USP36: variants seen among roughly 807,000 people sequenced by gnomAD.
USP36 encodes ubiquitin carboxyl-terminal hydrolase 36.
A neutral mutation model predicts 111.5 loss-of-function variants in USP36; 59 were observed. The ratio of observed to expected loss-of-function variants is 0.53; its 90% CI spans 0.43 to 0.66. The LOEUF (loss-of-function observed/expected upper bound fraction) is 0.66, where lower values mean the gene tolerates loss of function less well. USP36 is among the 30% of genes least tolerant of loss of function. The probability of loss-of-function intolerance (pLI) is 0.00; values close to 1 mark genes in which losing one functional copy is unlikely to be tolerated. For missense variants in USP36, 1,488 were observed against 1,468.0 expected (o/e 1.01, Z -0.22); for synonymous variants, 628 against 581.0 (o/e 1.08, Z -1.16).
intron 2 of USP36, 44 bp from the exon 3 acceptor site, chr17:78,836,416 C>G (rs987945566): frequency 6.3e-7 from 1 of 1,588,652 alleles, no homozygotes; most frequent in Non-Finnish European, 8.6e-7. Context: ...TAACGAAATC[C>G]CGGGACAAAA....
intron 4 of USP36, among the ~76,000 whole-genome samples, chr17:78,834,837 T>C (rs1022723123): frequency 3.3e-5 from 5 of 151,972 alleles, no homozygotes; most frequent in Non-Finnish European, 7.4e-5. Context: ...ACAATTGGGC[T>C]AGGCATGGTG....
chr17:78,789,585 G>A (rs2093565519), intron 3 of USP36, among the ~76,000 whole-genome samples: 1 of 152,166 alleles, frequency 6.6e-6, no homozygotes, highest in Non-Finnish European at 1.5e-5. Context: ...GCTTGGATTG[G>A]GGCATTGTCT....
intron 17 of USP36, among the ~76,000 whole-genome samples, chr17:78,802,095 C>T (rs1452356892): frequency 6.6e-6 from 1 of 150,532 alleles, no homozygotes; most frequent in East Asian, 2.0e-4. Flanking sequence ...ACGCGGTCCC[C>T]CACCCCCTTG....
downstream of USP36, among the ~76,000 whole-genome samples, chr17:78,791,129 CTTTTTTTTTTT>C (rs10522788): frequency 1.6e-4 from 19 of 121,234 alleles, no homozygotes; most frequent in South Asian, 8.4e-4. Context: ...ATCTGGCCTT[CTTTTTTTTTTT>C]TTTTTTTTTT....
chr17:78,834,044 C>T (rs916526886), intron 4 of USP36, among the ~76,000 whole-genome samples: 4 of 152,108 alleles, frequency 2.6e-5, no homozygotes, highest in African/African-American at 9.7e-5. Flanking sequence ...GTCACGAGTT[C>T]AAGACCAGCC....
In USP36 at chr17:78,827,226, T is replaced by TGGG; in HGVS notation, c.689+16_689+18dup. 3.2e-6 allele frequency: 2 copies of TGGG among 619,618 alleles called. No homozygotes were observed. Among genetic ancestry groups the TGGG allele is most frequent in the Admixed American group, 7.5e-5 (1 of 13,256 alleles). 38.4% of individuals were successfully genotyped at this position (619,618 alleles called of 1,614,324 possible). ...AAAGGTGTCCAAAGCCCTGGGAGGGTGGGTGGGGAAGCACGCACTTGGCAC... is the reference window on the plus strand; with the variant it reads ...AAAGGTGTCCAAAGCCCTGGGAGGGTGGGGGGTGGGGAAGCACGCACTTGGCAC... On this transcript the variant is annotated intron_variant, in intron 6 of 20. Transcript: ENST00000449938.
At chr17:78,811,190 A>G (rs565728860) in intron 13 of USP36, among the ~76,000 whole-genome samples, 2 of 152,010 alleles carry the variant, frequency 1.3e-5, no homozygotes, top group African/African-American at 4.8e-5. Flanking sequence ...CCCACTTCAA[A>G]TGATCACTGT....
chr17:78,806,299 A>G lies in USP36; in HGVS notation c.2086-13T>C. ...ACAGGGTGCTGGCCTGCAGTTATCG[A>G]CATAAATAAAAACTTGGTGGTCTAA... On this transcript the variant is annotated splice_polypyrimidine_tract_variant and intron_variant, in intron 14 of 20. Transcript: ENST00000449938. 2 of 1,613,642 alleles carry G rather than the reference A, an allele frequency of 1.2e-6. No homozygotes were observed. Among genetic ancestry groups the G allele is most frequent in the Non-Finnish European group, 1.7e-6 (2 of 1,179,918 alleles).
chr17:78,841,009 A>C (rs935281894), upstream of USP36: 1 of 152,192 alleles, frequency 6.6e-6, no homozygotes, highest in African/African-American at 2.4e-5. Flanking sequence ...CCGCCAGCCT[A>C]CGTGATGACG....
At chr17:78,792,525 C>A (rs573540694), downstream of USP36, among the ~76,000 whole-genome samples, 19 of 152,272 alleles carry the variant, frequency 1.2e-4, no homozygotes, top group South Asian at 6.2e-4. Flanking sequence ...AGCAGCAGCC[C>A]CGGGGACTAT....
chr17:78,788,250 C>T (rs544711617), intron 3 of USP36, among the ~76,000 whole-genome samples: 6 of 152,122 alleles, frequency 3.9e-5, no homozygotes, highest in Admixed American at 1.3e-4. Flanking sequence ...CTGCAACCTC[C>T]GCCTCCCAGG....
rs1270117785 is a variant in USP36 at position 78,798,240 on chromosome 17, C to T, written c.*20+160G>A. The T allele has an allele frequency of 1.1e-6, 1 of 932,386 alleles. No individual in the cohort carries two copies. Among genetic ancestry groups the T allele is most frequent in the Admixed American group, 2.8e-5 (1 of 35,814 alleles). The allele number at this position is 932,386 out of a possible 1,614,324, so 57.8% of individuals were successfully genotyped here. The stretch of plus-strand genomic sequence containing the variant: ...CTTCTCCAAGTGACTAGGACACACA[C>T]CACAGACGCGCCCACACCACACACA... On this transcript the variant is annotated intron_variant, in intron 20 of 20. Transcript: ENST00000449938. This position sits in a 1 kb window ranked among gnomAD's most constrained non-coding sequence, Gnocchi z 5.1.
In USP36 at chr17:78,836,272, G is replaced by A. The variant is rs780073439; in HGVS notation, c.92C>T (p.Ser31Phe). 1.2e-6 allele frequency: 2 copies of A among 1,614,186 alleles called. No individual in the cohort carries two copies. Among genetic ancestry groups the A allele is most frequent in the South Asian group, 1.1e-5 (1 of 91,084 alleles). ...TTTCTGTAAAAGGACCTTCTTGGCAGAGGAGGCAAGAAGCTTCCCCAGTTC... is the reference window on the plus strand; with the variant it reads ...TTTCTGTAAAAGGACCTTCTTGGCAAAGGAGGCAAGAAGCTTCCCCAGTTC... The part of the protein sequence containing the change: ...DGELGKLLAS[S>F]AKKVLLQKIE... The change falls in exon 3 of 21, where the codon TCT (serine) becomes TTT (phenylalanine). Residue 31 changes from serine to phenylalanine, a missense_variant. Physicochemically the swap from Ser to Phe is radical, Grantham distance 155. Transcript: ENST00000449938.
In USP36 at chr17:78,835,511, A is replaced by C; in HGVS notation, c.254-10T>G. 1 of 1,584,606 alleles carries C rather than the reference A, an allele frequency of 6.3e-7. No individual in the cohort carries two copies. The highest frequency in any genetic ancestry group is 8.6e-7 in the Non-Finnish European group (1 of 1,164,474). On this transcript the variant is annotated splice_polypyrimidine_tract_variant and intron_variant, in intron 3 of 20. Coordinates refer to ENST00000449938, the MANE Select transcript of USP36 (RefSeq NM_001385174.1). ...TACGTGTGCTCACTGCCTGAGGAAG[A>C]AAGGGACAAGGGAAGAAAAGAGGAA... is the stretch of plus-strand genomic sequence containing the variant.
At chr17:78,839,259 G>T (rs182788339) in intron 1 of USP36, among the ~76,000 whole-genome samples, 1 of 152,230 alleles carries the variant, frequency 6.6e-6, no homozygotes, top group Non-Finnish European at 1.5e-5. Context: ...ATGGAGAACC[G>T]CACAGGGAGC....
chr17:78,794,194 T>C (rs1368270193), downstream of USP36, among the ~76,000 whole-genome samples: 2 of 152,244 alleles, frequency 1.3e-5, no homozygotes, highest in Admixed American at 6.5e-5. Flanking sequence ...TCAGCCAACC[T>C]GGCGGCTGGT....
In USP36 at chr17:78,807,188, G is replaced by A. The variant is rs1022923099; in HGVS notation, c.1856C>T (p.Ala619Val). The A allele has an allele frequency of 5.6e-6, 9 of 1,614,160 alleles. No homozygotes were observed. Among genetic ancestry groups the A allele is most frequent in the South Asian group, 1.1e-5 (1 of 91,084 alleles). Reference protein sequence around the residue: ...GSSSSSPEHSASSDSTKAPQT... With the variant: ...GSSSSSPEHSVSSDSTKAPQT... ...GGGGGCCTTGGTGGAGTCGCTGCTGGCCGAGTGCTCTGGGCTGGAGCTGCT... is the reference window on the plus strand; with the variant it reads ...GGGGGCCTTGGTGGAGTCGCTGCTGACCGAGTGCTCTGGGCTGGAGCTGCT... Residue 619 changes from alanine (A) to valine (V), a missense_variant, in exon 14 of 21, where the codon GCC becomes GTC. Ala to Val is a moderately conservative substitution (Grantham distance 64). Coordinates refer to ENST00000449938, the MANE Select transcript of USP36 (RefSeq NM_001385174.1).
chr17:78,799,047 G>A (rs2093679257), intron 18 of USP36, 24 bp from the exon 19 acceptor site: 1 of 1,609,886 alleles, frequency 6.2e-7, no homozygotes, highest in Admixed American at 1.7e-5. Context: ...ACGGGGGTCA[G>A]CACGAGTGCA....
intron 17 of USP36, among the ~76,000 whole-genome samples, chr17:78,802,005 A>T (rs1316911071): frequency 6.6e-6 from 1 of 152,118 alleles, no homozygotes; most frequent in East Asian, 1.9e-4. Flanking sequence ...ATCTTCTCCC[A>T]GACCCTCCCA....
Sources: gnomAD v4.1 joint callset for allele counts (sites outside exome capture counted in the v4.1 genomes callset) on GRCh38, gnomAD v4.1.1 for gene constraint, Gnocchi (gnomAD v3.1) non-coding constraint, MANE v1.5 for transcripts, NCBI Gene and HGNC (gene_info 2026-07-23, HGNC 2026-07-21) for gene names.